The following GLB1 variants were observed in gnomAD, a reference collection of about 807,000 sequenced individuals.
GLB1 encodes galactosidase beta 1, also known as beta-galactosidase.
Under a neutral mutation model 74.0 loss-of-function variants are expected in GLB1, and 56 were observed. That is an observed-to-expected ratio of 0.76 (90% confidence interval 0.61 to 0.94). The LOEUF (loss-of-function observed/expected upper bound fraction) is 0.94. Ranked by LOEUF, GLB1 falls within the 40% of genes least tolerant of loss-of-function variation. The pLI, the probability that GLB1 is intolerant of heterozygous loss-of-function variation, is 0.00. For missense variants in GLB1, 787 were observed against 845.5 expected (o/e 0.93, Z 0.86); for synonymous variants, 323 against 323.6 (o/e 1.00, Z 0.02).
Position 33,024,306 on chromosome 3 carries a change from CCTTCTGGTA to C in GLB1, c.1079_1087del (p.Val360_Glu362del), listed in dbSNP as rs1559387267. ...CTTTGGTGTAGATGGAGGGATAGGA[CCTTCTGGTA>C]CTTTTTCAAACTATAAACCAGAGTA... is the stretch of plus-strand genomic sequence containing the variant. On this transcript the variant is annotated inframe_deletion, in exon 11 of 16. Coordinates refer to ENST00000307363, the MANE Select transcript of GLB1 (RefSeq NM_000404.4). The C allele has an allele frequency of 3.7e-6, 6 of 1,612,608 alleles. No homozygotes were observed. Among genetic ancestry groups the C allele is most frequent in the Non-Finnish European group, 5.1e-6 (6 of 1,179,784 alleles).
At chr3:33,053,874 A>G (rs1016846078) in intron 6 of GLB1, among the ~76,000 whole-genome samples, 1 of 152,118 alleles carries the variant, frequency 6.6e-6, no homozygotes, top group Non-Finnish European at 1.5e-5. Flanking sequence ...TTAGCCAGGC[A>G]TGGTGGCACA....
chr3:32,977,116 G>A, the GLB1 span, among the ~76,000 whole-genome samples: 5 of 152,276 alleles, frequency 3.3e-5, no homozygotes, highest in South Asian at 4.2e-4. Flanking sequence ...GGAGGCAGAG[G>A]CAGAATGTCT....
intron 12 of GLB1, among the ~76,000 whole-genome samples, chr3:33,021,095 GAA>G (rs10596366): frequency 0.36 from 44,997 of 125,038 alleles, 7,350 homozygotes; most frequent in African/African-American, 0.42. Context: ...TACAAACACT[GAA>G]AAAAAAAAAA....
At chr3:32,989,306 T>C in the GLB1 span, among the ~76,000 whole-genome samples, 1 of 152,312 alleles carries the variant, frequency 6.6e-6, no homozygotes, top group Non-Finnish European at 1.5e-5. Context: ...GAGTCATCAT[T>C]TGCCTGCTCA....
downstream of GLB1, among the ~76,000 whole-genome samples, chr3:32,996,281 G>A (rs989142446): frequency 2.0e-5 from 3 of 152,156 alleles, no homozygotes; most frequent in Non-Finnish European, 2.9e-5. Context: ...ACACACACAC[G>A]TGCATGCCTG....
rs754131566 is a variant in GLB1 at position 33,014,155 on chromosome 3, G to GT, written c.1634dup (p.Asn545LysfsTer40). 2.0e-5 allele frequency: 32 copies of GT among 1,614,106 alleles called. No individual in the cohort carries two copies. Among genetic ancestry groups the GT allele is most frequent in the Non-Finnish European group, 2.7e-5 (32 of 1,180,056 alleles). On this transcript the variant is annotated frameshift_variant, in exon 15 of 16. Coordinates refer to ENST00000307363, the MANE Select transcript of GLB1 (RefSeq NM_000404.4). LOFTEE classifies it high-confidence loss of function. ...CCATATAAAAGGCCGGGAGCGTGTA[G>GT]TTGGATGAGTTGTGGGCCCAGGCTT... is the stretch of plus-strand genomic sequence containing the variant.
chr3:33,021,410 T>G (rs1439458095), intron 12 of GLB1, 156 bp downstream of exon 12: 1 of 864,624 alleles, frequency 1.2e-6, no homozygotes, highest in East Asian at 2.6e-5. Flanking sequence ...CACTTCAAGC[T>G]AAAGAGAGCC....
At chr3:32,964,265 A>G in the GLB1 span, among the ~76,000 whole-genome samples, 1 of 152,190 alleles carries the variant, frequency 6.6e-6, no homozygotes, top group Non-Finnish European at 1.5e-5. Context: ...TCACAAGAAA[A>G]ATGTCACACA....
At chr3:33,064,776 CAAAA>C (rs36181668) in intron 5 of GLB1, among the ~76,000 whole-genome samples, 1 of 64,538 alleles carries the variant, frequency 1.5e-5, no homozygotes, top group Non-Finnish European at 2.7e-5. Context: ...GACTCTCTCT[CAAAA>C]AAAAAAAAAA....
intron 15 of GLB1, 31 bp from the exon 16 acceptor site, chr3:32,997,375 C>T (rs1167698267): frequency 1.2e-6 from 2 of 1,611,126 alleles, no homozygotes; most frequent in Non-Finnish European, 1.7e-6. Context: ...AACCATCAAC[C>T]CCAGATGCAC....
chr3:33,049,413 G>C (rs1698884206), intron 9 of GLB1, among the ~76,000 whole-genome samples: 1 of 152,026 alleles, frequency 6.6e-6, no homozygotes, highest in African/African-American at 2.4e-5. Context: ...GGTCACTTAG[G>C]TATTTATTTT....
At chr3:33,017,214 C>T (rs908470404) in intron 13 of GLB1, among the ~76,000 whole-genome samples, 5 of 152,238 alleles carry the variant, frequency 3.3e-5, no homozygotes, top group African/African-American at 1.2e-4. Context: ...TTCTGAACAA[C>T]ATGGAGAGAT....
chr3:32,966,807 C>T, the GLB1 span, among the ~76,000 whole-genome samples: 1 of 152,126 alleles, frequency 6.6e-6, no homozygotes, highest in African/African-American at 2.4e-5. Flanking sequence ...GTGAATAAGT[C>T]TCGCAAGATC....
chr3:33,033,683 A>C (rs1698150601), intron 10 of GLB1, among the ~76,000 whole-genome samples: 1 of 150,820 alleles, frequency 6.6e-6, no homozygotes, highest in Non-Finnish European at 1.5e-5. Context: ...CAGGAGGCTG[A>C]GGCAGGAGAA....
intron 1 of GLB1, chr3:33,092,490 T>C: frequency 9.4e-7 from 1 of 1,065,250 alleles, no homozygotes; most frequent in Admixed American, 4.8e-5. Flanking sequence ...CTTCTAGAGG[T>C]ATGCCTTTCT....
At chr3:32,986,606 T>G in the GLB1 span, among the ~76,000 whole-genome samples, 1 of 151,820 alleles carries the variant, frequency 6.6e-6, no homozygotes, top group Non-Finnish European at 1.5e-5. Context: ...TTTTTTTTTT[T>G]TTGAGATGGA....
chr3:33,087,931 C>T (rs903523727), intron 1 of GLB1, among the ~76,000 whole-genome samples: 1 of 152,006 alleles, frequency 6.6e-6, no homozygotes, highest in African/African-American at 2.4e-5. Flanking sequence ...GGATTTATTC[C>T]TAAAATGCAA....
the GLB1 span, among the ~76,000 whole-genome samples, chr3:32,978,607 T>C: frequency 2.0e-5 from 3 of 152,152 alleles, no homozygotes; most frequent in Non-Finnish European, 4.4e-5. Context: ...GAGGCAGCAG[T>C]GCCTGATGGA....
intron 1 of GLB1, chr3:33,091,148 A>T: frequency 1.0e-6 from 1 of 985,444 alleles, no homozygotes; most frequent in Non-Finnish European, 1.2e-6. Flanking sequence ...TGCGGTCGGG[A>T]CACAAGAAAA....
Sources: allele counts gnomAD v4.1 joint callset (sites outside exome capture counted in the v4.1 genomes callset), GRCh38; gene constraint gnomAD v4.1.1; transcripts MANE v1.5; gene names NCBI Gene and HGNC (gene_info 2026-07-23, HGNC 2026-07-21).